PTPRM: variants seen among roughly 807,000 people sequenced by gnomAD.
PTPRM encodes receptor-type tyrosine-protein phosphatase mu.
A neutral mutation model predicts 186.7 loss-of-function variants in PTPRM; 47 were observed. The ratio of observed to expected loss-of-function variants is 0.25; its 90% CI spans 0.20 to 0.32. The LOEUF (loss-of-function observed/expected upper bound fraction) is 0.32. PTPRM is among the 10% of genes least tolerant of loss of function. The probability of loss-of-function intolerance (pLI) is 1.00; values close to 1 mark genes in which losing one functional copy is unlikely to be tolerated. For synonymous variants in PTPRM, 668 were observed against 674.9 expected (o/e 0.99, Z 0.16); for missense variants, 1,494 against 1,865.0 (o/e 0.80, Z 3.66).
intron 14 of PTPRM, among the ~76,000 whole-genome samples, chr18:8,183,430 C>T (rs2093603573): frequency 6.6e-6 from 1 of 152,192 alleles, no homozygotes; most frequent in South Asian, 2.1e-4. Flanking sequence ...GATGCGATGA[C>T]ATAAAGGAAG....
chr18:8,211,683 G>A lies in PTPRM; in HGVS notation c.2301-32375G>A, dbSNP rs187835024. Among the ~76,000 whole-genome samples the A allele has an allele frequency of 9.6e-4, 146 of 152,228 alleles. No individual in the cohort carries two copies. In the East Asian group the frequency reaches 0.021, roughly 22 times the overall value. ...CTCCCAAAGTGCTGGGATTACAGGCGTGAGCCACCGTGCCCAGCCAGGTCT... is the reference window on the plus strand; with the variant it reads ...CTCCCAAAGTGCTGGGATTACAGGCATGAGCCACCGTGCCCAGCCAGGTCT... On this transcript the variant is annotated intron_variant, in intron 14 of 32. Transcript: ENST00000580170.
intron 22 of PTPRM, among the ~76,000 whole-genome samples, chr18:8,331,968 T>A (rs1268333067): frequency 6.6e-6 from 1 of 152,204 alleles, no homozygotes; most frequent in East Asian, 1.9e-4. Flanking sequence ...GACATGTGAG[T>A]GAAAACAGCT....
chr18:7,793,334 G>A (rs552999866), intron 2 of PTPRM, among the ~76,000 whole-genome samples: 2 of 152,198 alleles, frequency 1.3e-5, no homozygotes, highest in South Asian at 4.1e-4. Context: ...GACTCACACC[G>A]TGATGTTCTT....
intron 14 of PTPRM, among the ~76,000 whole-genome samples, chr18:8,237,618 G>A (rs1198796737): frequency 6.6e-6 from 1 of 151,604 alleles, no homozygotes; most frequent in African/African-American, 2.4e-5. Flanking sequence ...CCGGCTAATT[G>A]TATTTTTAGT....
intron 1 of PTPRM, among the ~76,000 whole-genome samples, chr18:7,570,849 A>G (rs1202938627): frequency 5.3e-5 from 8 of 152,208 alleles, no homozygotes; most frequent in Non-Finnish European, 1.0e-4. Flanking sequence ...GACATCAGAA[A>G]TAGAATGCTA....
intron 2 of PTPRM, among the ~76,000 whole-genome samples, chr18:7,857,001 G>A (rs762290105): frequency 3.3e-5 from 5 of 152,136 alleles, no homozygotes; most frequent in Non-Finnish European, 4.4e-5. Context: ...GAGGACCTGT[G>A]GCTTCAGAAT....
At chr18:7,865,262 C>G (rs1339880621) in intron 2 of PTPRM, among the ~76,000 whole-genome samples, 4 of 152,100 alleles carry the variant, frequency 2.6e-5, no homozygotes, top group Admixed American at 6.6e-5. Flanking sequence ...GAGAGGGCAT[C>G]TTTGTCTTGT....
intron 23 of PTPRM, among the ~76,000 whole-genome samples, chr18:8,346,418 C>T (rs1598389303): frequency 1.3e-5 from 2 of 152,200 alleles, no homozygotes; most frequent in South Asian, 2.1e-4. Context: ...TCAGAGAGAG[C>T]GCACGCTCTG....
intron 2 of PTPRM, among the ~76,000 whole-genome samples, chr18:7,832,217 G>C (rs1414917716): frequency 1.3e-5 from 2 of 152,192 alleles, no homozygotes; most frequent in African/African-American, 4.8e-5. Flanking sequence ...TCTCCGAAGT[G>C]CTAGTACTAA....
chr18:7,690,018 G>T (rs7236295), intron 1 of PTPRM, among the ~76,000 whole-genome samples: 83,335 of 151,926 alleles, frequency 0.55, 23,878 homozygotes, highest in East Asian at 0.97. Context: ...TTTTTAAAAA[G>T]TATCATCAGA....
intron 1 of PTPRM, among the ~76,000 whole-genome samples, chr18:7,758,917 A>G (rs2041636436): frequency 6.6e-6 from 1 of 152,120 alleles, no homozygotes; most frequent in African/African-American, 2.4e-5. Context: ...AAATGAACAT[A>G]CTGTTTATAC....
At chr18:7,862,377 T>C (rs2047435135) in intron 2 of PTPRM, among the ~76,000 whole-genome samples, 1 of 152,242 alleles carries the variant, frequency 6.6e-6, no homozygotes, top group Non-Finnish European at 1.5e-5. Flanking sequence ...AAAATTGTGC[T>C]TTGTCAACTA....
intron 1 of PTPRM, among the ~76,000 whole-genome samples, chr18:7,584,122 G>A (rs2036915508): frequency 6.6e-6 from 1 of 152,184 alleles, no homozygotes; most frequent in Admixed American, 6.5e-5. Context: ...CATTCTTGCA[G>A]TGTCATTAGG....
chr18:8,237,392 T>C lies in PTPRM; in HGVS notation c.2301-6666T>C, dbSNP rs200253399. ...CTTCTCTCTGAAGAACTTTTTAATATTTTGTAGAAGGCAGATCTGCTGGCA... is the reference window on the plus strand; with the variant it reads ...CTTCTCTCTGAAGAACTTTTTAATACTTTGTAGAAGGCAGATCTGCTGGCA... On this transcript the variant is annotated intron_variant, in intron 14 of 32. Coordinates refer to ENST00000580170, the MANE Select transcript of PTPRM (RefSeq NM_001105244.2). 3.9e-5 allele frequency among the ~76,000 whole-genome samples: 6 copies of C among 151,946 alleles called. No individual in the cohort carries two copies. The East Asian group carries it at 7.7e-4, about 20-fold the overall frequency.
At chr18:8,223,546 T>C (rs2094178532) in intron 14 of PTPRM, among the ~76,000 whole-genome samples, 1 of 152,198 alleles carries the variant, frequency 6.6e-6, no homozygotes, top group South Asian at 2.1e-4. Context: ...ATGCTCTCCT[T>C]GTGACAAAGT....
Position 7,777,398 on chromosome 18 carries a change from A to G in PTPRM, c.196+3127A>G, listed in dbSNP as rs182846681. 9.2e-5 allele frequency among the ~76,000 whole-genome samples: 14 copies of G among 152,322 alleles called. No homozygotes were observed. In the East Asian group the frequency reaches 2.7e-3, roughly 29 times the overall value. ...TGAAATTCAAAATGCAGCGTTTACAAGTTTTACTGACACACAGCCATGCCC... is the reference window on the plus strand; with the variant it reads ...TGAAATTCAAAATGCAGCGTTTACAGGTTTTACTGACACACAGCCATGCCC... On this transcript the variant is annotated intron_variant, in intron 2 of 32. Transcript: ENST00000580170.
intron 1 of PTPRM, among the ~76,000 whole-genome samples, chr18:7,752,548 C>T (rs1320039911): frequency 6.6e-6 from 1 of 151,988 alleles, no homozygotes; most frequent in Non-Finnish European, 1.5e-5. Context: ...CTCAGCCTCC[C>T]GAGTAGCTGG....
At chr18:7,796,086 A>G (rs948962964) in intron 2 of PTPRM, among the ~76,000 whole-genome samples, 7 of 151,732 alleles carry the variant, frequency 4.6e-5, no homozygotes, top group Non-Finnish European at 7.4e-5. Context: ...CTAGGAATAA[A>G]CCACTTTTGA....
At chr18:8,061,326 C>A (rs1297686948) in intron 7 of PTPRM, among the ~76,000 whole-genome samples, 1 of 130,182 alleles carries the variant, frequency 7.7e-6, no homozygotes, top group Non-Finnish European at 1.6e-5. Context: ...TTCCTCCATC[C>A]TTTTATTTTG....
Sources: gnomAD v4.1 joint callset for allele counts (sites outside exome capture counted in the v4.1 genomes callset) on GRCh38, gnomAD v4.1.1 for gene constraint, MANE v1.5 for transcripts, NCBI Gene and HGNC (gene_info 2026-07-23, HGNC 2026-07-21) for gene names.